TBXAS1: variants seen among roughly 807,000 people sequenced by gnomAD.
TBXAS1 encodes the protein thromboxane A synthase 1.
A neutral mutation model predicts 60.7 loss-of-function variants in TBXAS1; 48 were observed. The ratio of observed to expected loss-of-function variants is 0.79; its 90% confidence interval spans 0.63 to 1.01. The LOEUF (loss-of-function observed/expected upper bound fraction) is 1.01. TBXAS1 is among the 50% of genes least tolerant of loss of function. The pLI is 0.00. For synonymous variants in TBXAS1, 287 were observed against 269.7 expected, an observed-to-expected ratio of 1.06 and a Z score of -0.63; for missense variants, 685 against 686.3, an observed-to-expected ratio of 1.00 and a Z score of 0.02.
rs150241888 is a variant in TBXAS1, at chr7:139,940,078, G to A, written c.450+3771G>A. On this transcript the variant is annotated intron_variant, in intron 5 of 12. Coordinates refer to ENST00000448866, the MANE Select transcript of TBXAS1 (RefSeq NM_001061.7). ...TGCCATCCAGAACAAGGAAGTAGTT[G>A]CTTGATTTTGAACTGTACGTTAGCA... is the stretch of plus-strand genomic sequence containing the variant. 8.5e-5 allele frequency among the ~76,000 whole-genome samples: 13 copies of A among 152,334 alleles called. No homozygotes were observed. The East Asian group carries it at 2.5e-3, about 29-fold the overall frequency.
intron 4 of TBXAS1, chr7:139,789,738 C>G (rs1585505239): frequency 1.3e-5 from 2 of 151,252 alleles, no homozygotes; most frequent in Non-Finnish European, 2.9e-5. Context: ...TCAAGTGATT[C>G]TCCTGCCTCA....
chr7:139,784,837 G>A (rs533080467), intron 3 of TBXAS1, among the ~76,000 whole-genome samples: 9 of 152,278 alleles, frequency 5.9e-5, no homozygotes, highest in African/African-American at 2.2e-4. Flanking sequence ...TCAGCCAAGG[G>A]TTTTTAATAG....
chr7:139,937,730 C>G (rs1359401608), intron 5 of TBXAS1, among the ~76,000 whole-genome samples: 1 of 152,180 alleles, frequency 6.6e-6, no homozygotes, highest in Non-Finnish European at 1.5e-5. Context: ...GTAGCGTGCT[C>G]CAAGTCTCAT....
chr7:139,970,860 G>C (rs958929489), intron 9 of TBXAS1, among the ~76,000 whole-genome samples: 1 of 151,996 alleles, frequency 6.6e-6, no homozygotes, highest in Non-Finnish European at 1.5e-5. Context: ...GTGTAGACTG[G>C]AGACCTATCA....
chr7:139,873,643 G>A (rs547786699), intron 2 of TBXAS1, among the ~76,000 whole-genome samples: 4 of 152,292 alleles, frequency 2.6e-5, no homozygotes, highest in South Asian at 2.1e-4. Flanking sequence ...TCAGGGAGAA[G>A]ACAAGTTTTA....
Position 139,802,898 on chromosome 7 carries a change from T to G in TBXAS1, c.-80+15472T>G, listed in dbSNP as rs149720034. Among the ~76,000 whole-genome samples, 159 of 152,308 alleles carry G rather than the reference T, an allele frequency of 1.0e-3. 5 individuals are homozygous for G. In the East Asian group the frequency reaches 0.018, roughly 17 times the overall value. On this transcript the variant is annotated intron_variant, in intron 4 of 16. Coordinates refer to the TBXAS1 transcript ENST00000336425. The stretch of plus-strand genomic sequence containing the variant: ...GCTGCCATGTAAGATGTGCTCCTCC[T>G]TTGCCCTCTGCCATGATTGTGATGC...
At chr7:139,943,435 A>G (rs977729834) in intron 5 of TBXAS1, among the ~76,000 whole-genome samples, 1 of 152,208 alleles carries the variant, frequency 6.6e-6, no homozygotes, top group Non-Finnish European at 1.5e-5. Flanking sequence ...TTGCATTTGC[A>G]TTTAAAAGAA....
At chr7:139,942,997 TTCAGAATTACAG>T (rs1457657134) in intron 5 of TBXAS1, among the ~76,000 whole-genome samples, 2 of 152,200 alleles carry the variant, frequency 1.3e-5, no homozygotes, top group East Asian at 3.8e-4. Flanking sequence ...CAAAAGTCTT[TTCAGAATTACAG>T]TCATCATCAC....
intron 1 of TBXAS1, among the ~76,000 whole-genome samples, chr7:139,861,943 G>A (rs1299460614): frequency 6.6e-6 from 1 of 152,110 alleles, no homozygotes; most frequent in African/African-American, 2.4e-5. Context: ...AAATGAGGTG[G>A]GGATGTATAA....
chr7:139,837,773 T>C (rs749564104), intron 1 of TBXAS1, among the ~76,000 whole-genome samples: 1 of 152,136 alleles, frequency 6.6e-6, no homozygotes, highest in Non-Finnish European at 1.5e-5. Context: ...AACTTACTCA[T>C]GTAACCAAAT....
At chr7:139,957,572 T>C (rs1809966043) in intron 7 of TBXAS1, 62 bp from the exon 8 acceptor site, 3 of 1,611,550 alleles carry the variant, frequency 1.9e-6, no homozygotes. Flanking sequence ...GGAACAGGCG[T>C]CTAATGGCCC....
chr7:139,835,697 A>G (rs1370255137), intron 1 of TBXAS1, among the ~76,000 whole-genome samples: 7 of 152,196 alleles, frequency 4.6e-5, no homozygotes, highest in Non-Finnish European at 1.0e-4. Context: ...AGTTGAAAGC[A>G]TTCCCTCTGA....
chr7:139,919,536 G>A (rs960063619), intron 4 of TBXAS1, among the ~76,000 whole-genome samples: 2 of 152,200 alleles, frequency 1.3e-5, no homozygotes, highest in African/African-American at 4.8e-5. Flanking sequence ...TTTCTTGCAT[G>A]TTCCAGAACA....
intron 4 of TBXAS1, chr7:139,789,128 C>A (rs184331897): frequency 9.9e-5 from 15 of 152,122 alleles, no homozygotes; most frequent in South Asian, 6.2e-4. Context: ...TTTAGCACCC[C>A]CACTAGATAT....
chr7:139,833,600 A>G (rs1798861313), intron 1 of TBXAS1, among the ~76,000 whole-genome samples: 1 of 151,436 alleles, frequency 6.6e-6, no homozygotes, highest in South Asian at 2.1e-4. Flanking sequence ...CAGGCGAATC[A>G]CTTAAATCTG....
intron 9 of TBXAS1, among the ~76,000 whole-genome samples, chr7:139,974,723 G>C (rs1811446791): frequency 6.6e-6 from 1 of 152,170 alleles, no homozygotes; most frequent in South Asian, 2.1e-4. Flanking sequence ...TCGCCTTTCT[G>C]TGACTCAGTT....
chr7:139,822,816 C>T (rs929829211), intron 4 of TBXAS1, among the ~76,000 whole-genome samples: 3 of 151,418 alleles, frequency 2.0e-5, no homozygotes, highest in Non-Finnish European at 4.4e-5. Flanking sequence ...TTCAGGCTGT[C>T]ATCCCCCACC....
At chr7:139,816,984 C>T (rs764151399) in intron 4 of TBXAS1, among the ~76,000 whole-genome samples, 21 of 152,166 alleles carry the variant, frequency 1.4e-4, no homozygotes, top group Non-Finnish European at 1.9e-4. Context: ...TGGGGAAGGT[C>T]TGATTTGCAG....
At chr7:139,920,340 C>A (rs976586870) in intron 4 of TBXAS1, among the ~76,000 whole-genome samples, 2 of 152,190 alleles carry the variant, frequency 1.3e-5, no homozygotes, top group African/African-American at 2.4e-5. Flanking sequence ...CCTGTTGTCA[C>A]CCCTCTAATG....
Sources: gnomAD v4.1 joint callset for allele counts (sites outside exome capture counted in the v4.1 genomes callset) on GRCh38, gnomAD v4.1.1 for gene constraint, MANE v1.5 for transcripts, NCBI Gene and HGNC (gene_info 2026-07-23, HGNC 2026-07-21) for gene names.